EIF4ENIF1: variants seen among roughly 807,000 people sequenced by gnomAD.
EIF4ENIF1 encodes the protein eukaryotic translation initiation factor 4E transporter.
A neutral mutation model predicts 110.5 loss-of-function variants in EIF4ENIF1; 23 were observed. The observed-to-expected ratio is 0.21, with a 90% CI of 0.15 to 0.29. EIF4ENIF1 has a LOEUF of 0.29. Ranked by LOEUF, EIF4ENIF1 falls within the 10% of genes least tolerant of loss-of-function variation. The probability of loss-of-function intolerance (pLI) is 1.00; values close to 1 mark genes in which losing one functional copy is unlikely to be tolerated. For missense variants in EIF4ENIF1, 1,031 were observed against 1,221.1 expected (o/e 0.84, Z 2.32); for synonymous variants, 440 against 437.0 (o/e 1.01, Z -0.09).
rs1569088929 is a variant in EIF4ENIF1, at chr22:31,464,723, TA to T, written c.299-757del. On this transcript the variant is annotated intron_variant, in intron 4 of 18. Transcript: ENST00000330125. ...AAATATATATATATATATATATATATATAAACAGATATATACAAAAATTAAT... is the reference window on the plus strand; with the variant it reads ...AAATATATATATATATATATATATATTAAACAGATATATACAAAAATTAAT... Among the ~76,000 whole-genome samples the T allele has an allele frequency of 3.3e-3, 310 of 92,952 alleles. 40 individuals are homozygous for T. Among genetic ancestry groups the T allele is most frequent in the East Asian group, 0.014 (52 of 3,836 alleles). 61.0% of individuals were successfully genotyped at this position (92,952 alleles called of 152,430 possible). A position where few individuals can be genotyped will look rare whatever the true frequency, so the allele number is the denominator to read the frequency against.
At chr22:31,448,335 A>T in intron 12 of EIF4ENIF1, 103 bp from the exon 13 acceptor site, 1 of 1,166,878 alleles carries the variant, frequency 8.6e-7, no homozygotes, top group South Asian at 1.3e-5. Flanking sequence ...CATCTCTTGG[A>T]AAGCACTGAT....
At chr22:31,485,454 C>G (rs914125083) in intron 2 of EIF4ENIF1, among the ~76,000 whole-genome samples, 2 of 152,108 alleles carry the variant, frequency 1.3e-5, no homozygotes, top group African/African-American at 4.8e-5. Context: ...ACATGTTAAC[C>G]TCTGATCGGT....
At chr22:31,449,024 T>G (rs1339374682) in intron 12 of EIF4ENIF1, among the ~76,000 whole-genome samples, 1 of 152,204 alleles carries the variant, frequency 6.6e-6, no homozygotes, top group Non-Finnish European at 1.5e-5. Context: ...TTTATTTATT[T>G]TTTTGAGACA....
chr22:31,478,944 T>C (rs1192509048), intron 2 of EIF4ENIF1, among the ~76,000 whole-genome samples: 1 of 133,806 alleles, frequency 7.5e-6, no homozygotes, highest in African/African-American at 2.7e-5. Context: ...ACAGAGAGAC[T>C]GTTTCAAAAA....
At chr22:31,478,557 C>A (rs979641466) in intron 2 of EIF4ENIF1, among the ~76,000 whole-genome samples, 1 of 150,750 alleles carries the variant, frequency 6.6e-6, no homozygotes, top group African/African-American at 2.4e-5. Context: ...GTGGCTCACA[C>A]CTGTAATCCC....
chr22:31,450,442 A>G, intron 10 of EIF4ENIF1, 82 bp from the exon 11 acceptor site: 1 of 1,113,656 alleles, frequency 9.0e-7, no homozygotes. Flanking sequence ...AAGAAAGCAT[A>G]AAATACTCCT....
chr22:31,440,426 G>A (rs1414499849), intron 18 of EIF4ENIF1, among the ~76,000 whole-genome samples: 3 of 152,142 alleles, frequency 2.0e-5, no homozygotes, highest in East Asian at 1.9e-4. Flanking sequence ...TGGGCAGGCC[G>A]GATGCTGAAC....
Position 31,440,790 on chromosome 22 carries a change from A to G in EIF4ENIF1, c.2630T>C (p.Leu877Ser), listed in dbSNP as rs200744137. The change falls in exon 18 of 19, where the codon TTA (leucine) becomes TCA (serine). Residue 877 changes from leucine to serine, a missense_variant. By Grantham distance (145) the Leu-to-Ser change is moderately radical (BLOSUM62 -2). Around this residue, in one of 3 missense-constraint regions of EIF4ENIF1, gnomAD observed 309 missense variants for 299.1 expected, o/e 1.03. Transcript: ENST00000330125. Reference sequence around the variant, plus strand: ...TAAGAGAGGGTGACTAGCAGCAGGTAAAGGGTAAAAGGGCTGACCCAGGAT... The same window carrying G: ...TAAGAGAGGGTGACTAGCAGCAGGTGAAGGGTAAAAGGGCTGACCCAGGAT... The part of the protein sequence containing the change: ...GPILGQPFYP[L>S]PAASHPLLNP... 2.3e-5 allele frequency: 37 copies of G among 1,613,882 alleles called. No individual in the cohort carries two copies. The highest frequency in any genetic ancestry group is 3.1e-5 in the Non-Finnish European group (36 of 1,179,882).
chr22:31,445,931 C>T (rs1338095900), intron 14 of EIF4ENIF1, among the ~76,000 whole-genome samples: 1 of 146,502 alleles, frequency 6.8e-6, no homozygotes, highest in East Asian at 2.1e-4. Flanking sequence ...TTTTCTGTAT[C>T]TGTAAAATGC....
chr22:31,450,419 G>C (rs531695733), intron 10 of EIF4ENIF1, 59 bp from the exon 11 acceptor site: 2 of 1,359,342 alleles, frequency 1.5e-6, no homozygotes, highest in African/African-American at 1.4e-5. Flanking sequence ...CTTACAGATT[G>C]ATTGGGGACC....
intron 2 of EIF4ENIF1, among the ~76,000 whole-genome samples, chr22:31,481,230 A>G (rs1038517825): frequency 1.3e-5 from 2 of 152,136 alleles, no homozygotes; most frequent in African/African-American, 2.4e-5. Context: ...TGGTGCAGTC[A>G]TAGCTCACTG....
chr22:31,490,680 G>A (rs2052245487), upstream of EIF4ENIF1, among the ~76,000 whole-genome samples: 1 of 152,122 alleles, frequency 6.6e-6, no homozygotes, highest in South Asian at 2.1e-4. Context: ...AGGCTGACAG[G>A]GGGCCACAGA....
chr22:31,440,248 T>G, intron 18 of EIF4ENIF1, 127 bp from the exon 19 acceptor site: 1 of 1,348,720 alleles, frequency 7.4e-7, no homozygotes, highest in South Asian at 1.3e-5. Context: ...CTTTAGAAAC[T>G]CCTTTGCAAA....
At chr22:31,480,571 T>A (rs753177489) in intron 2 of EIF4ENIF1, among the ~76,000 whole-genome samples, 1 of 151,484 alleles carries the variant, frequency 6.6e-6, no homozygotes, top group South Asian at 2.1e-4. Context: ...CAGCCTAACA[T>A]GGAGAAACCC....
chr22:31,491,208 G>A (rs1395914886), upstream of EIF4ENIF1, among the ~76,000 whole-genome samples: 4 of 152,280 alleles, frequency 2.6e-5, no homozygotes, highest in African/African-American at 7.2e-5. Flanking sequence ...GATAAGGTGG[G>A]TAAAAAACCA....
At chr22:31,485,989 A>G (rs1226723205) in intron 2 of EIF4ENIF1, among the ~76,000 whole-genome samples, 4 of 151,756 alleles carry the variant, frequency 2.6e-5, no homozygotes, top group Admixed American at 1.3e-4. Flanking sequence ...GCTCACACCT[A>G]TAATTCCAGC....
At position 31,487,865 on chromosome 22, in the gene EIF4ENIF1, C is replaced by G. The variant is rs564431904; in HGVS notation, c.96+758G>C. ...GGATGTGTGCCCAACTAGGATATAACCCTTCTTGTCATCAGTGGTCCCAAC... is the reference window on the plus strand; with the variant it reads ...GGATGTGTGCCCAACTAGGATATAAGCCTTCTTGTCATCAGTGGTCCCAAC... On this transcript the variant is annotated intron_variant, in intron 2 of 18. Transcript: ENST00000330125. 2.1e-4 allele frequency among the ~76,000 whole-genome samples: 32 copies of G among 150,052 alleles called. No homozygotes were observed. The East Asian group carries it at 2.2e-3, about 10-fold the overall frequency.
intron 2 of EIF4ENIF1, among the ~76,000 whole-genome samples, chr22:31,478,100 CCTCA>C (rs780101326): frequency 3.9e-5 from 6 of 152,132 alleles, no homozygotes; most frequent in Non-Finnish European, 5.9e-5. Context: ...GAGAAAACTT[CCTCA>C]CTGTTTACAG....
intron 2 of EIF4ENIF1, among the ~76,000 whole-genome samples, chr22:31,486,015 G>A (rs2052006946): frequency 6.6e-6 from 1 of 152,042 alleles, no homozygotes; most frequent in Admixed American, 6.6e-5. Flanking sequence ...GGGGGGCCGA[G>A]GCGGGTGGAT....
Sources: gnomAD v4.1 joint callset for allele counts (sites outside exome capture counted in the v4.1 genomes callset) on GRCh38, gnomAD v4.1.1 for gene constraint, gnomAD v4.1.1 regional missense constraint, MANE v1.5 for transcripts, NCBI Gene and HGNC (gene_info 2026-07-23, HGNC 2026-07-21) for gene names.